Variants in MGAM2 observed in about 807,000 individuals in gnomAD.
The protein encoded by MGAM2 is maltase-glucoamylase 2 (putative).
A neutral mutation model predicts 96.1 loss-of-function variants in MGAM2; 98 were observed. The observed-to-expected ratio is 1.02, with a 90% CI of 0.87 to 1.21. The LOEUF (loss-of-function observed/expected upper bound fraction) is 1.21, where lower values mean the gene tolerates loss of function less well. Ranked by LOEUF, MGAM2 falls within the 50% of genes most tolerant of loss-of-function variation. The pLI is 0.00. For missense variants in MGAM2, 2,055 were observed against 1,182.4 expected (o/e 1.74, Z -10.82); for synonymous variants, 749 against 414.8 (o/e 1.81, Z -9.79).
chr7:142,134,369 C>A (rs773381744), intron 7 of MGAM2, among the ~76,000 whole-genome samples: 5 of 152,074 alleles, frequency 3.3e-5, no homozygotes, highest in Admixed American at 2.0e-4. Flanking sequence ...CGAAATGCAG[C>A]ATTTTTTAAA....
At chr7:142,163,581 T>G (rs1386851137) in intron 23 of MGAM2, among the ~76,000 whole-genome samples, 3 of 152,202 alleles carry the variant, frequency 2.0e-5, no homozygotes, top group Non-Finnish European at 2.9e-5. Flanking sequence ...TGCCTGGCCA[T>G]AAGTTTTTAT....
intron 32 of MGAM2, among the ~76,000 whole-genome samples, chr7:142,181,826 T>A (rs766841585): frequency 6.6e-6 from 1 of 152,176 alleles, no homozygotes; most frequent in South Asian, 2.1e-4. Flanking sequence ...TATGGTGCCA[T>A]GATCCAGTAT....
chr7:142,216,706 C>T (rs193234796), intron 46 of MGAM2, among the ~76,000 whole-genome samples: 1 of 152,260 alleles, frequency 6.6e-6, no homozygotes, highest in Admixed American at 6.5e-5. Flanking sequence ...CTTTAGTACA[C>T]CCATTTATTT....
intron 17 of MGAM2, among the ~76,000 whole-genome samples, chr7:142,155,912 A>G (rs1397454985): frequency 6.6e-6 from 1 of 152,160 alleles, no homozygotes; most frequent in Non-Finnish European, 1.5e-5. Context: ...TTGGGAGGCC[A>G]AGGTGGGAGG....
At chr7:142,206,934 T>A (rs1302352415) in intron 45 of MGAM2, among the ~76,000 whole-genome samples, 2 of 152,376 alleles carry the variant, frequency 1.3e-5, no homozygotes, top group Middle Eastern at 6.8e-3. Context: ...AATTTTTTTA[T>A]TAACTGCTAG....
rs1796233127 is a variant in MGAM2 at position 142,172,686 on chromosome 7, C to T, written c.3483C>T (p.Tyr1161=). The part of the protein sequence containing the change: ...VTLQPTPALT[Y]RTTGGILDFY... Reference sequence around the variant, plus strand: ...TACAGCCCACTCCTGCTCTGACATACCGCACCACAGGAGGGATTTTGGACT... The same window carrying T: ...TACAGCCCACTCCTGCTCTGACATATCGCACCACAGGAGGGATTTTGGACT... The change falls in exon 30 of 48, where the codon TAC becomes TAT. Residue 1161 remains tyrosine (Y), a synonymous_variant. Transcript: ENST00000477922. The T allele has an allele frequency of 1.4e-6, 1 of 705,206 alleles. No individual in the cohort carries two copies. The highest frequency in any genetic ancestry group is 2.6e-6 in the Non-Finnish European group (1 of 385,926). The allele number at this position is 705,206 out of a possible 1,614,324, so 43.7% of individuals were successfully genotyped here.
intron 45 of MGAM2, chr7:142,208,166 A>G: frequency 2.2e-6 from 1 of 460,884 alleles, no homozygotes; most frequent in Non-Finnish European, 4.3e-6. Context: ...ACCCATGTCT[A>G]CCTGACTTGG....
At chr7:142,197,857 C>T in intron 42 of MGAM2, 129 bp downstream of exon 42, 1 of 627,842 alleles carries the variant, frequency 1.6e-6, no homozygotes, top group Non-Finnish European at 2.8e-6. Context: ...AGAACATCTA[C>T]AGGAGATCTT....
intron 26 of MGAM2, 109 bp downstream of exon 26, chr7:142,167,595 C>T (rs1796067021): frequency 3.1e-6 from 2 of 641,074 alleles, no homozygotes; most frequent in Non-Finnish European, 5.7e-6. Context: ...CTTTTCAAGA[C>T]AGGATCTCCC....
At chr7:142,146,319 A>C (rs1795385586) in intron 14 of MGAM2, among the ~76,000 whole-genome samples, 1 of 151,886 alleles carries the variant, frequency 6.6e-6, no homozygotes, top group Non-Finnish European at 1.5e-5. Flanking sequence ...CCAGGATTGC[A>C]TAGTGCACAT....
chr7:142,187,432 G>C (rs1194059586), intron 35 of MGAM2, among the ~76,000 whole-genome samples: 2 of 152,198 alleles, frequency 1.3e-5, no homozygotes, highest in East Asian at 3.8e-4. Flanking sequence ...GATTTCCTTA[G>C]GTCCTGTGTC....
chr7:142,146,515 T>C (rs774476315), intron 14 of MGAM2, among the ~76,000 whole-genome samples: 2 of 152,118 alleles, frequency 1.3e-5, no homozygotes, highest in Non-Finnish European at 2.9e-5. Context: ...CTTTCTGGAA[T>C]TGTGCCTCAC....
In MGAM2 at chr7:142,220,686, C is replaced by T. The variant is rs1472524201; in HGVS notation, c.6175C>T (p.Pro2059Ser). 1.4e-6 allele frequency: 1 copy of T among 702,292 alleles called. No homozygotes were observed. The highest frequency in any genetic ancestry group is 2.7e-5 in the East Asian group (1 of 37,254). The allele number at this position is 702,292 out of a possible 1,614,324, so 43.5% of individuals were successfully genotyped here. The change falls in exon 48 of 48, where the codon CCT (proline) becomes TCT (serine). Residue 2059 changes from proline to serine, a missense_variant. Pro to Ser is a moderately conservative substitution (Grantham distance 74, BLOSUM62 -1). Coordinates refer to ENST00000477922, the MANE Select transcript of MGAM2 (RefSeq NM_001293626.2). Reference protein sequence around the residue: ...TTSTSTSATVPITTTPSPTNT... With the variant: ...TTSTSTSATVSITTTPSPTNT... ...TAGTACTAGCACTAGTGCTACTGTT[C>T]CTATTACAACCACACCTTCCCCTAC...
intron 3 of MGAM2, among the ~76,000 whole-genome samples, chr7:142,123,058 G>A (rs959548909): frequency 6.6e-6 from 1 of 152,094 alleles, no homozygotes; most frequent in African/African-American, 2.4e-5. Context: ...TCTTGACCTT[G>A]TAATCCACCC....
chr7:142,217,377 T>C (rs1301034590), intron 46 of MGAM2, among the ~76,000 whole-genome samples: 1 of 152,200 alleles, frequency 6.6e-6, no homozygotes, highest in Non-Finnish European at 1.5e-5. Context: ...TTATCTAGCC[T>C]TGTCGCTTTG....
intron 17 of MGAM2, 54 bp downstream of exon 17, chr7:142,154,899 C>T (rs1368591271): frequency 1.3e-5 from 9 of 697,978 alleles, no homozygotes; most frequent in African/African-American, 7.0e-5. Flanking sequence ...AATCTACTGG[C>T]TCTTAAAGGG....
At chr7:142,213,232 A>G (rs1166568344) in intron 46 of MGAM2, among the ~76,000 whole-genome samples, 2 of 152,124 alleles carry the variant, frequency 1.3e-5, no homozygotes, top group African/African-American at 4.8e-5. Context: ...AGGATCTAAA[A>G]TCAACACCCT....
In MGAM2 at chr7:142,136,637, A is replaced by T. The variant is rs996332463; in HGVS notation, c.844A>T (p.Met282Leu). The change falls in exon 8 of 48, where the codon ATG becomes TTG. Residue 282 changes from methionine to leucine, a missense_variant. Coordinates refer to ENST00000477922, the MANE Select transcript of MGAM2 (RefSeq NM_001293626.2). ...FGVFLMNSNA[M>L]EVTLQPAPAI... Reference sequence around the variant, plus strand: ...AGTATTTCTGATGAACAGTAATGCCATGGGTAGGAAGCATCTTTTTATCTT... The same window carrying T: ...AGTATTTCTGATGAACAGTAATGCCTTGGGTAGGAAGCATCTTTTTATCTT... The T allele has an allele frequency of 5.5e-5, 38 of 694,264 alleles. No homozygotes were observed. The highest frequency in any genetic ancestry group is 9.9e-5 in the Non-Finnish European group (38 of 382,202). The allele number at this position is 694,264 out of a possible 1,614,324, so 43.0% of individuals were successfully genotyped here. A position where few individuals can be genotyped will look rare whatever the true frequency, so the allele number is the denominator to read the frequency against.
At chr7:142,172,228 G>C in intron 29 of MGAM2, 34 bp downstream of exon 29, 1 of 694,904 alleles carries the variant, frequency 1.4e-6, no homozygotes, top group Non-Finnish European at 2.6e-6. Flanking sequence ...TGCACCACCA[G>C]AAACAGCTGT....
Sources: allele counts gnomAD v4.1 joint callset (sites outside exome capture counted in the v4.1 genomes callset), GRCh38; gene constraint gnomAD v4.1.1; transcripts MANE v1.5; gene names NCBI Gene and HGNC (gene_info 2026-07-23, HGNC 2026-07-21).